Variants in GAPVD1 observed in about 807,000 individuals in gnomAD.
GAPVD1 encodes GTPase-activating protein and VPS9 domain-containing protein 1.
GAPVD1 carries 35 observed loss-of-function variants against 155.5 expected under a neutral mutation model. The ratio of observed to expected loss-of-function variants is 0.23; its 90% CI spans 0.17 to 0.30. The LOEUF (loss-of-function observed/expected upper bound fraction) is 0.30, where lower values mean the gene tolerates loss of function less well. Ranked by LOEUF, GAPVD1 falls within the 10% of genes least tolerant of loss-of-function variation. The pLI is 1.00. For missense variants in GAPVD1, 1,429 were observed against 1,775.7 expected, an observed-to-expected ratio of 0.80 and a Z score of 3.51; for synonymous variants, 636 against 619.7, an observed-to-expected ratio of 1.03 and a Z score of -0.39.
chr9:125,354,058 C>A (rs1037995838), intron 23 of GAPVD1, among the ~76,000 whole-genome samples: 1 of 152,112 alleles, frequency 6.6e-6, no homozygotes, highest in African/African-American at 2.4e-5. Flanking sequence ...CTTTCCTGGA[C>A]CAGAGAAGCA....
rs974650045 is a variant in GAPVD1, at chr9:125,347,076, A to C, written c.3169+135A>C. ...CTACCTCAAAATTACAGACTGCCTA[A>C]ACAAATGTTTAAATTGATGTCCTTC... On this transcript the variant is annotated intron_variant, in intron 20 of 27. Coordinates refer to ENST00000297933, the MANE Select transcript of GAPVD1 (RefSeq NM_001282680.3). The C allele has an allele frequency of 1.4e-5, 11 of 808,836 alleles. No individual in the cohort carries two copies. The South Asian group carries it at 1.9e-4, about 14-fold the overall frequency. 50.1% of individuals were successfully genotyped at this position (808,836 alleles called of 1,614,324 possible).
chr9:125,290,151 T>G (rs1184187120), intron 2 of GAPVD1, among the ~76,000 whole-genome samples: 1 of 152,042 alleles, frequency 6.6e-6, no homozygotes, highest in Admixed American at 6.6e-5. Context: ...TAGGAGTGGA[T>G]GAGAGGCAAG....
rs1850765023 is a variant in GAPVD1 at position 125,360,579 on chromosome 9, A to G, written c.4096A>G (p.Ile1366Val). 2 of 1,614,070 alleles carry G rather than the reference A, an allele frequency of 1.2e-6. No homozygotes were observed. The highest frequency in any genetic ancestry group is 1.7e-6 in the Non-Finnish European group (2 of 1,179,938). ...WPSAQSEIRT[I>V]SAYKTPRDKV... ...ATCTGCACAATCAGAAATCAGGACA[A>G]TAAGTGCTTATAAAACCCCCCGGGA... is the stretch of plus-strand genomic sequence containing the variant. The change falls in exon 27 of 28, where the codon ATA becomes GTA. Residue 1366 changes from isoleucine (I) to valine (V), a missense_variant. Ile to Val is a conservative substitution (Grantham distance 29). This residue lies in a region of GAPVD1 where 102 missense variants were observed against 196.5 expected (regional missense o/e 0.52). Transcript: ENST00000297933.
chr9:125,271,500 A>T (rs1054986887), intron 2 of GAPVD1, among the ~76,000 whole-genome samples: 1 of 152,124 alleles, frequency 6.6e-6, no homozygotes, highest in Non-Finnish European at 1.5e-5. Flanking sequence ...TATCCTGCCA[A>T]TCTTAATTTT....
At chr9:125,287,277 C>T (rs1200767514) in intron 2 of GAPVD1, among the ~76,000 whole-genome samples, 1 of 152,156 alleles carries the variant, frequency 6.6e-6, no homozygotes, top group African/African-American at 2.4e-5. Context: ...GTGGCTCATG[C>T]CTGTAATCCT....
intron 8 of GAPVD1, among the ~76,000 whole-genome samples, chr9:125,310,360 G>T (rs1842478973): frequency 6.6e-6 from 1 of 152,128 alleles, no homozygotes; most frequent in South Asian, 2.1e-4. Context: ...TTCTGCCTCT[G>T]TCTTCAAGTG....
At chr9:125,293,877 TA>T (rs1184203485) in intron 2 of GAPVD1, among the ~76,000 whole-genome samples, 8 of 18,164 alleles carry the variant, frequency 4.4e-4, no homozygotes, top group African/African-American at 2.2e-3. Context: ...TATATATATA[TA>T]TATATATATA....
At position 125,362,859 on chromosome 9, in the gene GAPVD1, A is replaced by G. The variant is rs182836133; in HGVS notation, c.*113A>G. The G allele has an allele frequency of 2.4e-6, 2 of 850,990 alleles. No homozygotes were observed. Among genetic ancestry groups the G allele is most frequent in the East Asian group, 5.7e-5 (2 of 35,062 alleles). The allele number at this position is 850,990 out of a possible 1,614,324, so 52.7% of individuals were successfully genotyped here. ...ATTGTTTTGTATGATACTGCACAGCATCAGGCATTTTAAAGCAGATCTTTA... is the reference window on the plus strand; with the variant it reads ...ATTGTTTTGTATGATACTGCACAGCGTCAGGCATTTTAAAGCAGATCTTTA... On this transcript the variant is annotated 3_prime_UTR_variant, in exon 28 of 28. Coordinates refer to ENST00000297933, the MANE Select transcript of GAPVD1 (RefSeq NM_001282680.3).
intron 2 of GAPVD1, among the ~76,000 whole-genome samples, chr9:125,276,691 AAC>A (rs1245367123): frequency 1.3e-5 from 2 of 152,166 alleles, no homozygotes; most frequent in African/African-American, 2.4e-5. Flanking sequence ...CCTGTCTCAA[AAC>A]ACACAAAGAA....
intron 2 of GAPVD1, among the ~76,000 whole-genome samples, chr9:125,291,751 T>C: frequency 6.6e-6 from 1 of 152,094 alleles, no homozygotes; most frequent in East Asian, 1.9e-4. Context: ...CAGCCTTACC[T>C]AAGAGGTCTA....
chr9:125,359,716 G>A (rs919606302), intron 26 of GAPVD1: 3 of 489,776 alleles, frequency 6.1e-6, no homozygotes, highest in Non-Finnish European at 1.1e-5. Flanking sequence ...GCCCTTCCTT[G>A]ATGCCACTTC....
chr9:125,280,042 C>T (rs756287223), intron 2 of GAPVD1, among the ~76,000 whole-genome samples: 59 of 149,944 alleles, frequency 3.9e-4, no homozygotes, highest in Non-Finnish European at 3.8e-4. Flanking sequence ...GGATTACAGG[C>T]GTGAGCCGCT....
intron 2 of GAPVD1, among the ~76,000 whole-genome samples, chr9:125,280,489 G>A (rs1057292337): frequency 1.2e-4 from 18 of 151,328 alleles, no homozygotes; most frequent in Non-Finnish European, 1.3e-4. Flanking sequence ...GAAATGTGTG[G>A]TAGTTATTAC....
intron 2 of GAPVD1, among the ~76,000 whole-genome samples, chr9:125,282,837 A>G (rs1337961779): frequency 6.6e-6 from 1 of 152,094 alleles, no homozygotes; most frequent in African/African-American, 2.4e-5. Context: ...AATTCATCAG[A>G]TCTTCTGATT....
intron 2 of GAPVD1, among the ~76,000 whole-genome samples, chr9:125,276,308 C>T (rs1276110456): frequency 3.9e-5 from 6 of 152,088 alleles, no homozygotes; most frequent in South Asian, 4.1e-4. Flanking sequence ...ACAAAACATA[C>T]GAAAAACCAA....
intron 19 of GAPVD1, among the ~76,000 whole-genome samples, chr9:125,344,689 C>A (rs2132195014): frequency 6.6e-6 from 1 of 151,906 alleles, no homozygotes; most frequent in Admixed American, 6.6e-5. Flanking sequence ...GCCTATTATC[C>A]CAGCTCTTTT....
chr9:125,300,370 C>T (rs905950801), intron 4 of GAPVD1, among the ~76,000 whole-genome samples: 26 of 150,644 alleles, frequency 1.7e-4, no homozygotes, highest in Non-Finnish European at 2.8e-4. Context: ...TTAGTAGAGA[C>T]GGGGTTTCAC....
intron 23 of GAPVD1, among the ~76,000 whole-genome samples, chr9:125,353,206 T>C (rs1333959235): frequency 1.3e-5 from 2 of 152,212 alleles, no homozygotes; most frequent in Admixed American, 6.5e-5. Flanking sequence ...CTAAATCATC[T>C]TTCTCAAGTT....
At chr9:125,305,715 G>T (rs1266057023) in intron 6 of GAPVD1, among the ~76,000 whole-genome samples, 1 of 152,130 alleles carries the variant, frequency 6.6e-6, no homozygotes, top group Non-Finnish European at 1.5e-5. Flanking sequence ...GCCCAGGCTG[G>T]AGTGCAGTGG....
Sources: gnomAD v4.1 joint callset for allele counts (sites outside exome capture counted in the v4.1 genomes callset) on GRCh38, gnomAD v4.1.1 for gene constraint, gnomAD v4.1.1 regional missense constraint, MANE v1.5 for transcripts, NCBI Gene and HGNC (gene_info 2026-07-23, HGNC 2026-07-21) for gene names.